CEP128: variants seen among roughly 807,000 people sequenced by gnomAD.
The protein encoded by CEP128 is centrosomal protein 128kDa.
Under a neutral mutation model 156.7 loss-of-function variants are expected in CEP128, and 132 were observed. The observed-to-expected ratio is 0.84, with a 90% CI of 0.73 to 0.97. The LOEUF (loss-of-function observed/expected upper bound fraction) is 0.97. Among genes scored for constraint, CEP128 ranks in the 50% least tolerant of loss-of-function variants. CEP128 has a pLI of 0.00. For synonymous variants in CEP128, 469 were observed against 448.9 expected (o/e 1.04, Z -0.57); for missense variants, 1,252 against 1,281.9 (o/e 0.98, Z 0.36).
chr14:80,954,721 A>G (rs1250666303), intron 2 of CEP128, among the ~76,000 whole-genome samples: 4 of 152,258 alleles, frequency 2.6e-5, no homozygotes, highest in Non-Finnish European at 5.9e-5. Context: ...AAATAGGCAC[A>G]ATCTGATTTA....
In CEP128 at chr14:80,496,482, A is replaced by T. The variant is rs960723541; in HGVS notation, c.*997T>A. 6.6e-6 allele frequency: 1 copy of T among 152,654 alleles called. No homozygotes were observed. The highest frequency in any genetic ancestry group is 1.5e-5 in the Non-Finnish European group (1 of 68,028). The allele number at this position is 152,654 out of a possible 1,614,324, so 9.5% of individuals were successfully genotyped here. ...CTTTAACAAACACAAAATGTAATGC[A>T]TATTACAAAGGTATTGCTTTATTGC... On this transcript the variant is annotated 3_prime_UTR_variant, in exon 25 of 25. Transcript: ENST00000555265.
downstream of CEP128, among the ~76,000 whole-genome samples, chr14:80,494,864 C>T (rs1417013005): frequency 6.6e-6 from 1 of 152,084 alleles, no homozygotes; most frequent in East Asian, 1.9e-4. Context: ...TTCTGGGAAA[C>T]TGGGTGCATA....
intron 13 of CEP128, among the ~76,000 whole-genome samples, chr14:80,810,323 C>CAAAAAAAGAA (rs1884442670): frequency 6.6e-5 from 1 of 15,192 alleles, no homozygotes; most frequent in African/African-American, 2.2e-4. Context: ...ACTCCATCTC[C>CAAAAAAAGAA]AAAAAAAAAA....
chr14:80,577,192 C>A (rs1463734547), intron 20 of CEP128, among the ~76,000 whole-genome samples: 2 of 152,046 alleles, frequency 1.3e-5, no homozygotes, highest in Non-Finnish European at 2.9e-5. Context: ...AGGGTTCTGG[C>A]CTAGGATTTC....
chr14:80,851,545 C>G (rs932023357), intron 9 of CEP128, among the ~76,000 whole-genome samples: 1 of 151,180 alleles, frequency 6.6e-6, no homozygotes, highest in East Asian at 1.9e-4. Context: ...ATCAAAAGAA[C>G]AGAAATATAA....
intron 19 of CEP128, among the ~76,000 whole-genome samples, chr14:80,647,011 A>ATATATATATATATATATATATG (rs1233103116): frequency 5.0e-4 from 36 of 72,524 alleles, no homozygotes; most frequent in Non-Finnish European, 8.1e-4. Context: ...ATATATATAT[A>ATATATATATATATATATATATG]TGTGTGTGTA....
chr14:80,722,897 G>A (rs1262183485), intron 19 of CEP128, among the ~76,000 whole-genome samples: 1 of 147,852 alleles, frequency 6.8e-6, no homozygotes, highest in African/African-American at 2.5e-5. Flanking sequence ...CGCGATCTCG[G>A]CTCACTGCAA....
intron 19 of CEP128, among the ~76,000 whole-genome samples, chr14:80,694,505 G>T (rs1270954629): frequency 6.6e-6 from 1 of 152,074 alleles, no homozygotes; most frequent in Non-Finnish European, 1.5e-5. Flanking sequence ...CAACCCAAAT[G>T]CCCATCAACG....
At chr14:80,955,870 C>A in intron 2 of CEP128, 2 of 1,614,054 alleles carry the variant, frequency 1.2e-6, no homozygotes, top group African/African-American at 1.3e-5. Context: ...CGGGAGAGAT[C>A]AGGGTAGGAC....
intron 10 of CEP128, among the ~76,000 whole-genome samples, chr14:80,840,259 A>G (rs1886287071): frequency 6.6e-6 from 1 of 152,174 alleles, no homozygotes; most frequent in Non-Finnish European, 1.5e-5. Context: ...ACATGAACAT[A>G]TGTCAAAGAT....
At chr14:80,597,479 C>T (rs954576423) in intron 19 of CEP128, among the ~76,000 whole-genome samples, 1 of 152,058 alleles carries the variant, frequency 6.6e-6, no homozygotes, top group Non-Finnish European at 1.5e-5. Flanking sequence ...TCACTAATAA[C>T]TTTTACCAAA....
chr14:80,855,536 T>C (rs564263379), intron 9 of CEP128, among the ~76,000 whole-genome samples: 53 of 151,992 alleles, frequency 3.5e-4, no homozygotes, highest in African/African-American at 1.3e-3. Context: ...TGAATATGAA[T>C]AACTGTATGC....
chr14:80,713,580 T>C (rs1595267916), intron 19 of CEP128, among the ~76,000 whole-genome samples: 1 of 152,216 alleles, frequency 6.6e-6, no homozygotes, highest in East Asian at 1.9e-4. Context: ...CAGCAACACA[T>C]ACAAAGCTGT....
intron 19 of CEP128, among the ~76,000 whole-genome samples, chr14:80,584,097 T>C (rs1891703312): frequency 6.6e-6 from 1 of 152,030 alleles, no homozygotes; most frequent in South Asian, 2.1e-4. Context: ...GTCTGTATTC[T>C]TCTGACCTGC....
Position 80,641,983 on chromosome 14 carries a change from C to T in CEP128, c.2807-61560G>A, listed in dbSNP as rs10146748. Among the ~76,000 whole-genome samples, 366 of 150,200 alleles carry T rather than the reference C, an allele frequency of 2.4e-3. 2 individuals carry two copies. The highest frequency in any genetic ancestry group is 8.1e-3 in the African/African-American group (334 of 40,996). ...CGGGCACCTGTAGTCCCAGCTACTC[C>T]GGAGGCTGAGGCAGAAGAATGATGT... On this transcript the variant is annotated intron_variant, in intron 19 of 24. Coordinates refer to ENST00000555265, the MANE Select transcript of CEP128 (RefSeq NM_152446.5).
chr14:80,937,543 A>G (rs919409743), intron 2 of CEP128, among the ~76,000 whole-genome samples: 3 of 152,192 alleles, frequency 2.0e-5, no homozygotes, highest in African/African-American at 7.2e-5. Flanking sequence ...TTACAGTTGT[A>G]AAAGAATAAG....
At chr14:80,511,252 G>C (rs1888240329) in intron 23 of CEP128, among the ~76,000 whole-genome samples, 3 of 151,682 alleles carry the variant, frequency 2.0e-5, no homozygotes, top group Admixed American at 2.0e-4. Context: ...TTCTTTGCTG[G>C]GAACCTTTTT....
At chr14:80,709,431 C>T (rs1248093200) in intron 19 of CEP128, among the ~76,000 whole-genome samples, 3 of 152,192 alleles carry the variant, frequency 2.0e-5, no homozygotes, top group Non-Finnish European at 4.4e-5. Context: ...AGCCACTGCA[C>T]CCAGCCAGTT....
At chr14:80,944,240 A>G (rs1467043426), upstream of CEP128, among the ~76,000 whole-genome samples, 2 of 152,134 alleles carry the variant, frequency 1.3e-5, no homozygotes, top group Non-Finnish European at 2.9e-5. Flanking sequence ...AAACCCACAA[A>G]GAGTATTGAT....
Sources: gnomAD v4.1 joint callset for allele counts (sites outside exome capture counted in the v4.1 genomes callset) on GRCh38, gnomAD v4.1.1 for gene constraint, MANE v1.5 for transcripts, NCBI Gene and HGNC (gene_info 2026-07-23, HGNC 2026-07-21) for gene names.